Variants in CDH23 observed in about 807,000 individuals in gnomAD.
The protein encoded by CDH23 is cadherin related 23.
Under a neutral mutation model 317.1 loss-of-function variants are expected in CDH23, and 189 were observed. The ratio of observed to expected loss-of-function variants is 0.60; its 90% CI spans 0.53 to 0.67. The LOEUF is 0.67. CDH23 is among the 30% of genes least tolerant of loss of function. The pLI is 0.00. For missense variants in CDH23, 4,401 were observed against 4,592.4 expected (o/e 0.96, Z 1.20); for synonymous variants, 1,839 against 1,876.8 (o/e 0.98, Z 0.52).
intron 14 of CDH23, among the ~76,000 whole-genome samples, chr10:71,663,521 C>T (rs774437725): frequency 3.3e-5 from 5 of 152,254 alleles, no homozygotes; most frequent in Non-Finnish European, 7.3e-5. Flanking sequence ...CACTCCCTGT[C>T]TACACCATCC....
At chr10:71,512,151 G>A (rs553516894) in intron 6 of CDH23, 1 of 152,304 alleles carries the variant, frequency 6.6e-6, no homozygotes, top group African/African-American at 2.4e-5. Flanking sequence ...TGACTTGCCC[G>A]AGGTCGCACA....
At chr10:71,548,301 G>T (rs1319440050) in intron 6 of CDH23, among the ~76,000 whole-genome samples, 2 of 152,178 alleles carry the variant, frequency 1.3e-5, no homozygotes, top group Non-Finnish European at 2.9e-5. Context: ...GTGGTGGAGG[G>T]GGGTGATGGC....
At chr10:71,447,921 G>A (rs185640011) in intron 3 of CDH23, among the ~76,000 whole-genome samples, 1 of 152,316 alleles carries the variant, frequency 6.6e-6, no homozygotes, top group Admixed American at 6.5e-5. Flanking sequence ...CAGTGCATGT[G>A]TCTAGGCAGA....
chr10:71,580,785 A>G (rs1858570579), intron 9 of CDH23, among the ~76,000 whole-genome samples: 1 of 152,166 alleles, frequency 6.6e-6, no homozygotes, highest in South Asian at 2.1e-4. Flanking sequence ...AGCAAATGAC[A>G]GCCCTGCTCT....
intron 11 of CDH23, among the ~76,000 whole-genome samples, chr10:71,632,309 A>G (rs1454471511): frequency 6.6e-6 from 1 of 152,174 alleles, no homozygotes; most frequent in Non-Finnish European, 1.5e-5. Context: ...CCTCCTATAC[A>G]GCTAGAAAGG....
rs960828685 is a variant in CDH23 at position 71,753,130 on chromosome 10, A to C, written c.4845+11209A>C. On this transcript the variant is annotated intron_variant, in intron 38 of 69. Coordinates refer to ENST00000224721, the MANE Select transcript of CDH23 (RefSeq NM_022124.6). The stretch of plus-strand genomic sequence containing the variant: ...CCAGGAGGGCCCTGCACAGCTCCGG[A>C]CTCCATTTCTTTTCACATGGGTGCT... 4.5e-6 allele frequency: 5 copies of C among 1,103,014 alleles called. 1 individual carries two copies. The highest frequency in any genetic ancestry group is 6.4e-6 in the Non-Finnish European group (5 of 784,724). 68.3% of individuals were successfully genotyped at this position (1,103,014 alleles called of 1,614,324 possible). A position where few individuals can be genotyped will look rare whatever the true frequency, so the allele number is the denominator to read the frequency against.
intron 6 of CDH23, among the ~76,000 whole-genome samples, chr10:71,517,415 G>A (rs1051717578): frequency 2.6e-5 from 4 of 152,204 alleles, no homozygotes; most frequent in Non-Finnish European, 4.4e-5. Flanking sequence ...GGTCCAGAGC[G>A]TGCAGAGGTG....
chr10:71,489,359 A>C (rs1852519875), intron 3 of CDH23, among the ~76,000 whole-genome samples: 1 of 152,132 alleles, frequency 6.6e-6, no homozygotes, highest in South Asian at 2.1e-4. Context: ...CTAATCCTCT[A>C]CAAAGCTAAT....
intron 1 of CDH23, among the ~76,000 whole-genome samples, chr10:71,414,540 A>T (rs1371678054): frequency 1.3e-5 from 2 of 151,972 alleles, no homozygotes; most frequent in Admixed American, 6.6e-5. Context: ...TCTTCTCATA[A>T]CCCCTTATCT....
intron 9 of CDH23, among the ~76,000 whole-genome samples, chr10:71,592,432 T>C (rs1859556087): frequency 6.6e-6 from 1 of 152,210 alleles, no homozygotes; most frequent in South Asian, 2.1e-4. Flanking sequence ...CTTATGGGGT[T>C]AAAATCAAGG....
In CDH23 at chr10:71,789,007, C is replaced by T; in HGVS notation, c.5888C>T (p.Thr1963Ile). 6.3e-7 allele frequency: 1 copy of T among 1,599,950 alleles called. No individual in the cohort carries two copies. The highest frequency in any genetic ancestry group is 8.6e-7 in the Non-Finnish European group (1 of 1,167,140). ...AACCACCCCCTCTTCACTAAAAGCA[C>T]CTACCAGGCAGAGGTGATGGAAAAC... ...NDNHPLFTKS[T>I]YQAEVMENSP... The change falls in exon 45 of 70, where the codon ACC becomes ATC. Residue 1963 changes from threonine to isoleucine, a missense_variant. By Grantham distance (89) the Thr-to-Ile change is moderately conservative. Coordinates refer to ENST00000224721, the MANE Select transcript of CDH23 (RefSeq NM_022124.6).
chr10:71,491,875 C>T (rs547119957), intron 3 of CDH23, among the ~76,000 whole-genome samples: 14 of 152,290 alleles, frequency 9.2e-5, no homozygotes, highest in Non-Finnish European at 2.1e-4. Context: ...TGACGTTCTG[C>T]GATTCCCACT....
chr10:71,701,078 TGC>T (rs1865565756), intron 22 of CDH23, among the ~76,000 whole-genome samples: 1 of 152,156 alleles, frequency 6.6e-6, no homozygotes, highest in South Asian at 2.1e-4. Context: ...CCACCCCTGG[TGC>T]CACAGTGGCC....
Position 71,815,038 on chromosome 10 carries a change from G to A in CDH23, c.9825G>A (p.Glu3275=). ...GCTTCCGCCACAAGCCACCAGTGGA[G>A]CTCAAGGGGCCCGATGGGATCCATG... The part of the protein sequence containing the change: ...SLRFRHKPPV[E]LKGPDGIHVV... The change falls in exon 70 of 70, where the codon GAG becomes GAA. Residue 3275 remains glutamate, a synonymous_variant. Coordinates refer to ENST00000224721, the MANE Select transcript of CDH23 (RefSeq NM_022124.6). 1 of 1,612,696 alleles carries A rather than the reference G, an allele frequency of 6.2e-7. No individual in the cohort carries two copies. The highest frequency in any genetic ancestry group is 8.5e-7 in the Non-Finnish European group (1 of 1,179,702).
chr10:71,702,045 G>T lies in CDH23; in HGVS notation c.2421G>T (p.Leu807=). The T allele has an allele frequency of 6.2e-7, 1 of 1,613,750 alleles. No homozygotes were observed. The highest frequency in any genetic ancestry group is 8.5e-7 in the Non-Finnish European group (1 of 1,179,850). ...VTTVVAVDPD[L]GENGTLVYSI... ...AGGTGGTGGCTGTTGACCCAGACCT[G>T]GGGGAGAATGGCACCCTGGTGTACA... is the stretch of plus-strand genomic sequence containing the variant. Residue 807 remains leucine, a synonymous_variant, in exon 23 of 70, where the codon CTG becomes CTT. Transcript: ENST00000224721.
intron 3 of CDH23, among the ~76,000 whole-genome samples, chr10:71,467,794 C>T (rs889397030): frequency 1.3e-5 from 2 of 152,138 alleles, no homozygotes; most frequent in African/African-American, 4.8e-5. Context: ...TGTATCGGCT[C>T]ATGTTATTAT....
chr10:71,502,093 T>C (rs771031912), intron 3 of CDH23, among the ~76,000 whole-genome samples: 22 of 151,222 alleles, frequency 1.5e-4, no homozygotes, highest in Non-Finnish European at 2.1e-4. Flanking sequence ...AAGGGGGCTT[T>C]GTCTGTTTGG....
intron 3 of CDH23, among the ~76,000 whole-genome samples, chr10:71,506,797 A>G (rs1016528103): frequency 5.9e-5 from 9 of 152,196 alleles, no homozygotes; most frequent in Non-Finnish European, 2.9e-5. Context: ...GTACACTTAG[A>G]AAAGGTCACT....
In CDH23 at chr10:71,695,518, T is replaced by G. The variant is rs1196670736; in HGVS notation, c.2390T>G (p.Val797Gly). The part of the protein sequence containing the change: ...LVEMTPPDSD[V>G]TTVVAVDPDL... ...GAGATGACCCCTCCAGACTCTGATG[T>G]GACCACGGTAGGTGGTGGCAGAGCA... Residue 797 changes from valine (V) to glycine (G), a missense_variant, in exon 22 of 70, where the codon GTG becomes GGG. This residue lies in a region of CDH23 where 3,068 missense variants were observed against 3,203.3 expected (regional missense o/e 0.96). Coordinates refer to ENST00000224721, the MANE Select transcript of CDH23 (RefSeq NM_022124.6). 6.2e-7 allele frequency: 1 copy of G among 1,607,522 alleles called. No individual in the cohort carries two copies. Among genetic ancestry groups the G allele is most frequent in the Non-Finnish European group, 8.5e-7 (1 of 1,174,118 alleles).
Sources: allele counts gnomAD v4.1 joint callset (sites outside exome capture counted in the v4.1 genomes callset), GRCh38; gene constraint gnomAD v4.1.1; regional missense constraint gnomAD v4.1.1; transcripts MANE v1.5; gene names NCBI Gene and HGNC (gene_info 2026-07-23, HGNC 2026-07-21).